Variants in MOGAT1 observed in about 807,000 individuals in gnomAD.
MOGAT1 encodes 2-acylglycerol O-acyltransferase 1.
MOGAT1 carries 32 observed loss-of-function variants against 31.4 expected under a neutral mutation model. That is an observed-to-expected ratio of 1.02 (90% CI 0.77 to 1.37). The LOEUF is 1.37. Among genes scored for constraint, MOGAT1 ranks in the 40% most tolerant of loss-of-function variants. The pLI, the probability that MOGAT1 is intolerant of heterozygous loss-of-function variation, is 0.00. For missense variants in MOGAT1, 426 were observed against 402.0 expected, an observed-to-expected ratio of 1.06 and a Z score of -0.51; for synonymous variants, 145 against 144.5, an observed-to-expected ratio of 1.00 and a Z score of -0.03.
intron 1 of MOGAT1, among the ~76,000 whole-genome samples, chr2:222,684,201 C>A (rs1261672175): frequency 6.6e-6 from 1 of 152,044 alleles, no homozygotes; most frequent in East Asian, 1.9e-4. Flanking sequence ...GTCAGGAGTT[C>A]AAGACCAGCC....
At chr2:222,708,474 T>C (rs1264119224) in intron 5 of MOGAT1, among the ~76,000 whole-genome samples, 2 of 152,258 alleles carry the variant, frequency 1.3e-5, no homozygotes, top group African/African-American at 2.4e-5. Flanking sequence ...TGGGAATTTT[T>C]GTATTTTCTA....
intron 5 of MOGAT1, among the ~76,000 whole-genome samples, chr2:222,707,583 G>A (rs1369645260): frequency 6.6e-6 from 1 of 152,088 alleles, no homozygotes; most frequent in Non-Finnish European, 1.5e-5. Context: ...CACTACATTG[G>A]CCTCTGCTAG....
At chr2:222,675,449 A>G (rs1459478572) in intron 1 of MOGAT1, among the ~76,000 whole-genome samples, 1 of 146,928 alleles carries the variant, frequency 6.8e-6, no homozygotes, top group African/African-American at 2.5e-5. Flanking sequence ...TACCTGTTTT[A>G]TTTGAAACTG....
At chr2:222,684,464 C>CA (rs565745373) in intron 1 of MOGAT1, among the ~76,000 whole-genome samples, 140 of 151,802 alleles carry the variant, frequency 9.2e-4, no homozygotes, top group African/African-American at 3.1e-3. Flanking sequence ...TGATTTGAAA[C>CA]AAAAAATGTA....
intron 3 of MOGAT1, among the ~76,000 whole-genome samples, chr2:222,689,774 T>G (rs1285281394): frequency 6.6e-6 from 1 of 152,208 alleles, no homozygotes; most frequent in African/African-American, 2.4e-5. Flanking sequence ...GTTTGTGTAT[T>G]CAGATGTAGA....
chr2:222,681,963 G>A (rs1026757811), intron 1 of MOGAT1, among the ~76,000 whole-genome samples: 3 of 152,152 alleles, frequency 2.0e-5, no homozygotes, highest in African/African-American at 4.8e-5. Context: ...ACAATACTGC[G>A]TTATATACTT....
intron 1 of MOGAT1, among the ~76,000 whole-genome samples, chr2:222,679,496 T>C (rs1022595439): frequency 1.3e-5 from 2 of 152,236 alleles, no homozygotes; most frequent in Non-Finnish European, 2.9e-5. Flanking sequence ...GTTTAATTTG[T>C]AGAAAACTAA....
chr2:222,709,530 T>C (rs1269250619), intron 5 of MOGAT1, among the ~76,000 whole-genome samples: 4 of 152,340 alleles, frequency 2.6e-5, no homozygotes, highest in Non-Finnish European at 5.9e-5. Context: ...GACAATCCAG[T>C]GTCTGCTGAG....
chr2:222,679,286 T>G (rs1386951305), intron 1 of MOGAT1, among the ~76,000 whole-genome samples: 1 of 152,252 alleles, frequency 6.6e-6, no homozygotes, highest in Non-Finnish European at 1.5e-5. Flanking sequence ...TTTTGATTAT[T>G]ATAGCTTTAT....
chr2:222,673,331 C>CAA (rs57706625), intron 1 of MOGAT1, among the ~76,000 whole-genome samples: 10 of 102,238 alleles, frequency 9.8e-5, no homozygotes, highest in South Asian at 3.4e-4. Flanking sequence ...TAGAATTTAC[C>CAA]AAAAAAAAAA....
rs772221393 is a variant in MOGAT1 at position 222,688,295 on chromosome 2, G to A, written c.95-49G>A. ...TCCCCCTGCCATGGGCCACTGCAGTGAGCAGATACTAACAGACTGATTCCA... is the reference window on the plus strand; with the variant it reads ...TCCCCCTGCCATGGGCCACTGCAGTAAGCAGATACTAACAGACTGATTCCA... On this transcript the variant is annotated intron_variant, in intron 1 of 5. Transcript: ENST00000446656. 10 of 1,492,388 alleles carry A rather than the reference G, an allele frequency of 6.7e-6. 1 individual carries two copies. The South Asian group carries it at 1.0e-4, about 15-fold the overall frequency. 92.4% of individuals were successfully genotyped at this position (1,492,388 alleles called of 1,614,324 possible). A position where few individuals can be genotyped will look rare whatever the true frequency, so the allele number is the denominator to read the frequency against.
At chr2:222,685,385 A>C (rs993163614) in intron 1 of MOGAT1, among the ~76,000 whole-genome samples, 1 of 152,164 alleles carries the variant, frequency 6.6e-6, no homozygotes, top group African/African-American at 2.4e-5. Context: ...TTTTACTGGC[A>C]ATGGAATTGA....
In MOGAT1 at chr2:222,702,934, A is replaced by G. The variant is rs116479854; in HGVS notation, c.854-6802A>G. ...AAAGGGAAACTTAATTTTTCATTGT[A>G]AAATTAAAGAGATTAAAGGAAATAA... On this transcript the variant is annotated intron_variant, in intron 5 of 5. Coordinates refer to ENST00000446656, the MANE Select transcript of MOGAT1 (RefSeq NM_058165.3). Among the ~76,000 whole-genome samples the G allele has an allele frequency of 5.9e-3, 899 of 152,320 alleles. 10 individuals are homozygous for G. The highest frequency in any genetic ancestry group is 0.021 in the African/African-American group (859 of 41,578).
chr2:222,682,772 T>G (rs151134113), intron 1 of MOGAT1, among the ~76,000 whole-genome samples: 46 of 152,348 alleles, frequency 3.0e-4, no homozygotes, highest in African/African-American at 1.0e-3. Context: ...TACTGATGCA[T>G]GCTACAACAT....
intron 3 of MOGAT1, 120 bp from the exon 4 acceptor site, chr2:222,694,242 C>T (rs933975863): frequency 1.1e-4 from 95 of 872,378 alleles, no homozygotes; most frequent in Non-Finnish European, 1.5e-4. Flanking sequence ...CAAAGTGCTC[C>T]AAAGGTAAGC....
intron 1 of MOGAT1, among the ~76,000 whole-genome samples, chr2:222,686,170 CT>C (rs1692665270): frequency 6.6e-6 from 1 of 152,172 alleles, no homozygotes; most frequent in Non-Finnish European, 1.5e-5. Context: ...ATAAGTTAGT[CT>C]ACAGTGTTAT....
In MOGAT1 at chr2:222,671,668, C is replaced by T. The variant is rs1041723364; in HGVS notation, c.-118C>T. On this transcript the variant is annotated 5_prime_UTR_variant, in exon 1 of 6. Coordinates refer to ENST00000446656, the MANE Select transcript of MOGAT1 (RefSeq NM_058165.3). ...CGCTGCCTAGCCTCTGCCTTTTCCT[C>T]TCCGCCCAGCCAGTGCCCAGCGCGG... 9.4e-6 allele frequency: 8 copies of T among 852,212 alleles called. No homozygotes were observed. Among genetic ancestry groups the T allele is most frequent in the African/African-American group, 1.7e-5 (1 of 58,354 alleles). 52.8% of individuals were successfully genotyped at this position (852,212 alleles called of 1,614,324 possible). A position where few individuals can be genotyped will look rare whatever the true frequency, so the allele number is the denominator to read the frequency against.
At chr2:222,695,651 TATG>T (rs1480810584) in intron 5 of MOGAT1, among the ~76,000 whole-genome samples, 3 of 152,248 alleles carry the variant, frequency 2.0e-5, no homozygotes, top group Admixed American at 1.3e-4. Flanking sequence ...AACATTTCTG[TATG>T]ATAAGTGTCC....
At chr2:222,673,738 C>T (rs1302655918) in intron 1 of MOGAT1, among the ~76,000 whole-genome samples, 5 of 152,196 alleles carry the variant, frequency 3.3e-5, no homozygotes, top group Non-Finnish European at 2.9e-5. Context: ...TCTCTGATAG[C>T]CACTGTTCTT....
Sources: gnomAD v4.1 joint callset for allele counts (sites outside exome capture counted in the v4.1 genomes callset) on GRCh38, gnomAD v4.1.1 for gene constraint, MANE v1.5 for transcripts, NCBI Gene and HGNC (gene_info 2026-07-23, HGNC 2026-07-21) for gene names.